ENDOG: variants seen among roughly 807,000 people sequenced by gnomAD.
The protein encoded by ENDOG is endonuclease G, also known as endonuclease G, mitochondrial.
In ENDOG, 22 loss-of-function variants were observed where a neutral mutation model predicts 22.6. The observed-to-expected ratio is 0.97, with a 90% CI of 0.70 to 1.39. ENDOG has a LOEUF of 1.39. ENDOG is among the 40% of genes most tolerant of loss of function. The pLI is 0.00. For missense variants in ENDOG, 403 were observed against 431.3 expected (o/e 0.93, Z 0.58); for synonymous variants, 173 against 200.2 (o/e 0.86, Z 1.15).
In ENDOG at chr9:128,822,335, G is replaced by A; in HGVS notation, c.619G>A (p.Ala207Thr). 2 of 1,613,496 alleles carry A rather than the reference G, an allele frequency of 1.2e-6. No individual in the cohort carries two copies. The highest frequency in any genetic ancestry group is 1.7e-6 in the Non-Finnish European group (2 of 1,179,788). ...TGPLFLPRTEADGKSYVKYQV... is the reference protein window; with the variant it reads ...TGPLFLPRTETDGKSYVKYQV... ...GCCTGGGTCTGCCCACAGGACAGAG[G>A]CTGATGGGAAATCCTACGTAAAGTA... Residue 207 changes from alanine (A) to threonine (T), a missense_variant, in exon 3 of 3, where the codon GCT becomes ACT. By Grantham distance (58) the Ala-to-Thr change is moderately conservative (BLOSUM62 0). Transcript: ENST00000372642.
At chr9:128,820,622 C>A in intron 1 of ENDOG, 117 bp from the exon 2 acceptor site, 2 of 816,444 alleles carry the variant, frequency 2.4e-6, no homozygotes, top group Non-Finnish European at 4.0e-6. Flanking sequence ...AGTTTCCCCC[C>A]GCTTGTCTCA....
rs775333673 is a variant in ENDOG at position 128,819,017 on chromosome 9, CGA to C, written c.335_336del (p.Glu112ValfsTer71). 3.4e-6 allele frequency: 5 copies of C among 1,490,128 alleles called. No homozygotes were observed. The Admixed American group carries it at 1.1e-4, about 34-fold the overall frequency. The allele number at this position is 1,490,128 out of a possible 1,614,324, so 92.3% of individuals were successfully genotyped here. On this transcript the variant is annotated frameshift_variant, in exon 1 of 3. Transcript: ENST00000372642. LOFTEE classifies it high-confidence loss of function. ...GTCTCCGCGGCGACGGCGACCGGCG[CGA>C]GTGCGACTTCCGCGAGGACGACTCG... The part of the protein sequence containing the change: ...ERLRGDGDRR[E>X]CDFREDDSVH...
chr9:128,822,045 G>A (rs1426847775), intron 2 of ENDOG: 5 of 473,034 alleles, frequency 1.1e-5, no homozygotes, highest in African/African-American at 3.9e-5. Flanking sequence ...CCCCTCAGAC[G>A]AATGTGAATA....
intron 2 of ENDOG, chr9:128,821,745 C>A: frequency 6.2e-6 from 1 of 161,540 alleles, no homozygotes; most frequent in South Asian, 1.7e-4. Context: ...GGCAAATGAC[C>A]TGTGTCCCCC....
intron 2 of ENDOG, 96 bp downstream of exon 2, chr9:128,820,944 T>G: frequency 9.0e-7 from 1 of 1,107,400 alleles, no homozygotes; most frequent in Non-Finnish European, 1.3e-6. Context: ...TCTGGGTCAA[T>G]ACCAGTTCCC....
Position 128,821,095 on chromosome 9 carries a change from C to T in ENDOG, c.611+247C>T, listed in dbSNP as rs555266565. On this transcript the variant is annotated intron_variant, in intron 2 of 2. Coordinates refer to ENST00000372642, the MANE Select transcript of ENDOG (RefSeq NM_004435.2). ...CAGCAGCAGGCCCTGAATCTGCCCC[C>T]GCTTCTCCCTGCTGTCACCTCTTGG... The T allele has an allele frequency of 1.1e-3, 605 of 548,460 alleles. 2 individuals carry two copies. Among genetic ancestry groups the T allele is most frequent in the Non-Finnish European group, 1.8e-3 (554 of 305,252 alleles). 34.0% of individuals were successfully genotyped at this position (548,460 alleles called of 1,614,324 possible). A position where few individuals can be genotyped will look rare whatever the true frequency, so the allele number is the denominator to read the frequency against.
chr9:128,818,653 C>A lies in ENDOG; in HGVS notation c.-32C>A. 2 of 1,157,312 alleles carry A rather than the reference C, an allele frequency of 1.7e-6. No homozygotes were observed. The highest frequency in any genetic ancestry group is 8.0e-5 in the East Asian group (2 of 24,964). 71.7% of individuals were successfully genotyped at this position (1,157,312 alleles called of 1,614,324 possible). A position where few individuals can be genotyped will look rare whatever the true frequency, so the allele number is the denominator to read the frequency against. On this transcript the variant is annotated 5_prime_UTR_variant, in exon 1 of 3. Coordinates refer to ENST00000372642, the MANE Select transcript of ENDOG (RefSeq NM_004435.2). The stretch of plus-strand genomic sequence containing the variant: ...CGACGCGGCTCCTTTAAGAGCCTCG[C>A]GGGTCGCCCGCCGCTAGGTCGCTCC...
Position 128,818,991 on chromosome 9 carries a change from C to A in ENDOG, c.307C>A (p.Arg103Ser). The A allele has an allele frequency of 6.7e-7, 1 of 1,486,126 alleles. No individual in the cohort carries two copies. The highest frequency in any genetic ancestry group is 2.3e-5 in the Admixed American group (1 of 44,368). 92.1% of individuals were successfully genotyped at this position (1,486,126 alleles called of 1,614,324 possible). The change falls in exon 1 of 3, where the codon CGT (arginine) becomes AGT (serine). Residue 103 changes from arginine to serine, a missense_variant. Coordinates refer to ENST00000372642, the MANE Select transcript of ENDOG (RefSeq NM_004435.2). ...LWVVEQLRPE[R>S]LRGDGDRREC... ...GGTGGTGGAGCAGCTGCGACCCGAG[C>A]GTCTCCGCGGCGACGGCGACCGGCG...
chr9:128,819,138 C>T lies in ENDOG; in HGVS notation c.454C>T (p.Gln152Ter). Reference protein sequence around the residue: ...LAAAANHRWSQKAMDDTFYLS... With the variant: ...LAAAANHRWS ...CGCCGCCGCCAACCACCGCTGGAGC[C>T]AGAAGGCCATGGACGACACGTTCTA... Residue 152 changes from glutamine (Q) to a stop codon, truncating the protein, a stop_gained, in exon 1 of 3, where the codon CAG becomes TAG. Transcript: ENST00000372642. LOFTEE classifies it high-confidence loss of function. 6.6e-7 allele frequency: 1 copy of T among 1,520,420 alleles called. No individual in the cohort carries two copies. The highest frequency in any genetic ancestry group is 1.7e-4 in the Middle Eastern group (1 of 5,790). 94.2% of individuals were successfully genotyped at this position (1,520,420 alleles called of 1,614,324 possible). A position where few individuals can be genotyped will look rare whatever the true frequency, so the allele number is the denominator to read the frequency against.
rs761051492 is a variant in ENDOG at position 128,819,130 on chromosome 9, G to T, written c.446G>T (p.Arg149Leu). ...CACCTGGCCGCCGCCGCCAACCACC[G>T]CTGGAGCCAGAAGGCCATGGACGAC... ...RGHLAAAANH[R>L]WSQKAMDDTF... is the part of the protein sequence containing the mutation. The change falls in exon 1 of 3, where the codon CGC becomes CTC. Residue 149 changes from arginine (R) to leucine (L), a missense_variant. Coordinates refer to ENST00000372642, the MANE Select transcript of ENDOG (RefSeq NM_004435.2). 5.3e-6 allele frequency: 8 copies of T among 1,520,180 alleles called. No homozygotes were observed. The Middle Eastern group carries it at 5.2e-4, about 98-fold the overall frequency. The allele number at this position is 1,520,180 out of a possible 1,614,324, so 94.2% of individuals were successfully genotyped here. A position where few individuals can be genotyped will look rare whatever the true frequency, so the allele number is the denominator to read the frequency against.
chr9:128,818,867 G>C lies in ENDOG; in HGVS notation c.183G>C (p.Pro61=). The stretch of plus-strand genomic sequence containing the variant: ...CTGTGCCCGGGGGACCCCGCGGCCC[G>C]GGCGAGCTGGCCAAGTACGGGCTGC... ...LPPVPGGPRG[P]GELAKYGLPG... is the part of the protein sequence containing the mutation. Residue 61 remains proline (P), a synonymous_variant, in exon 1 of 3, where the codon CCG becomes CCC. Transcript: ENST00000372642. The C allele has an allele frequency of 7.0e-7, 1 of 1,427,132 alleles. No homozygotes were observed. The highest frequency in any genetic ancestry group is 9.1e-7 in the Non-Finnish European group (1 of 1,095,796). The allele number at this position is 1,427,132 out of a possible 1,614,324, so 88.4% of individuals were successfully genotyped here. A position where few individuals can be genotyped will look rare whatever the true frequency, so the allele number is the denominator to read the frequency against.
chr9:128,818,545 A>T lies in ENDOG; in HGVS notation c.-140A>T. Reference sequence around the variant, plus strand: ...GCTCCCTTCTGGGTTCCGAGGCCCAAGCCCTTGGCAGTGTTTGTGAGTGGA... The same window carrying T: ...GCTCCCTTCTGGGTTCCGAGGCCCATGCCCTTGGCAGTGTTTGTGAGTGGA... On this transcript the variant is annotated 5_prime_UTR_variant, in exon 1 of 3. The change creates a new upstream start codon in the 5' untranslated region. Coordinates refer to ENST00000372642, the MANE Select transcript of ENDOG (RefSeq NM_004435.2). 1 of 972,068 alleles carries T rather than the reference A, an allele frequency of 1.0e-6. No homozygotes were observed. The highest frequency in any genetic ancestry group is 1.3e-6 in the Non-Finnish European group (1 of 799,916). The allele number at this position is 972,068 out of a possible 1,614,324, so 60.2% of individuals were successfully genotyped here. A position where few individuals can be genotyped will look rare whatever the true frequency, so the allele number is the denominator to read the frequency against.
intron 2 of ENDOG, chr9:128,821,256 C>T (rs985456105): frequency 4.4e-6 from 1 of 228,406 alleles, no homozygotes; most frequent in Non-Finnish European, 8.8e-6. Flanking sequence ...TGCGGTGCAC[C>T]AAGCTCTCCC....
At chr9:128,821,975 C>T (rs1235417307) in intron 2 of ENDOG, 2 of 299,166 alleles carry the variant, frequency 6.7e-6, no homozygotes, top group East Asian at 8.2e-5. Flanking sequence ...TATCACCTGT[C>T]ATGGTCCTTG....
At chr9:128,822,149 C>T (rs934080601) in intron 2 of ENDOG, 179 bp from the exon 3 acceptor site, 2 of 702,886 alleles carry the variant, frequency 2.8e-6, no homozygotes, top group South Asian at 1.9e-5. Context: ...AAGAGTTAAC[C>T]ACCCTGGAGA....
chr9:128,818,586 T>C lies in ENDOG; in HGVS notation c.-99T>C, dbSNP rs1465138408. On this transcript the variant is annotated 5_prime_UTR_variant, in exon 1 of 3. Transcript: ENST00000372642. Reference sequence around the variant, plus strand: ...TGTGAGTGGAAGGGAGGTCACGCTATCGTCCGCGGCCCCAGCAGCCCTGTG... The same window carrying C: ...TGTGAGTGGAAGGGAGGTCACGCTACCGTCCGCGGCCCCAGCAGCCCTGTG... 9.6e-7 allele frequency: 1 copy of C among 1,044,286 alleles called. No homozygotes were observed. The highest frequency in any genetic ancestry group is 1.7e-5 in the African/African-American group (1 of 58,200). The allele number at this position is 1,044,286 out of a possible 1,614,324, so 64.7% of individuals were successfully genotyped here.
chr9:128,819,246 C>T (rs1589587182), intron 1 of ENDOG, 61 bp downstream of exon 1: 2 of 1,404,040 alleles, frequency 1.4e-6, no homozygotes, highest in Non-Finnish European at 1.8e-6. Flanking sequence ...CTCGCGGGGC[C>T]TCGGTTTGTT....
At position 128,820,738 on chromosome 9, in the gene ENDOG, G is replaced by C. The variant is rs535536814; in HGVS notation, c.502-1G>C. The C allele has an allele frequency of 1.2e-5, 20 of 1,607,762 alleles. No homozygotes were observed. Among genetic ancestry groups the C allele is most frequent in the Non-Finnish European group, 1.6e-5 (19 of 1,176,850 alleles). On this transcript the variant is annotated splice_acceptor_variant, in intron 1 of 2. Transcript: ENST00000372642. LOFTEE classifies it high-confidence loss of function. ...CTGCTAAGCCCTATCTCTCCTACCA[G>C]GTGCCCCACCTCAACCAGAATGCCT... is the stretch of plus-strand genomic sequence containing the variant.
chr9:128,822,194 C>G, intron 2 of ENDOG, 134 bp from the exon 3 acceptor site: 1 of 1,053,206 alleles, frequency 9.5e-7, no homozygotes, highest in Middle Eastern at 3.1e-4. Flanking sequence ...AGGCAGGCTA[C>G]AGAAGTCTCA....
Sources: allele counts gnomAD v4.1 joint callset, GRCh38; gene constraint gnomAD v4.1.1; transcripts MANE v1.5; gene names NCBI Gene and HGNC (gene_info 2026-07-23, HGNC 2026-07-21).